Variants in CAPN5 observed in about 807,000 individuals in gnomAD.
CAPN5 encodes calpain 5.
Under a neutral mutation model 73.0 loss-of-function variants are expected in CAPN5, and 54 were observed. The ratio of observed to expected loss-of-function variants is 0.74; its 90% CI spans 0.59 to 0.93. The LOEUF (loss-of-function observed/expected upper bound fraction) is 0.93. Among genes scored for constraint, CAPN5 ranks in the 40% least tolerant of loss-of-function variants. The pLI is 0.00. For synonymous variants in CAPN5, 335 were observed against 356.9 expected, an observed-to-expected ratio of 0.94 and a Z score of 0.69; for missense variants, 785 against 882.9, an observed-to-expected ratio of 0.89 and a Z score of 1.41.
rs531335659 is a variant in CAPN5, at chr11:77,105,312, C to A, written c.298-7277C>A. ...ACTTCCCACACTCCCCCAGCCCTTG[C>A]CACCTTCCAAGGAGGAGGCCTGGAA... is the stretch of plus-strand genomic sequence containing the variant. On this transcript the variant is annotated intron_variant, in intron 3 of 12. Coordinates refer to ENST00000648180, the MANE Select transcript of CAPN5 (RefSeq NM_004055.5). 5.9e-5 allele frequency among the ~76,000 whole-genome samples: 9 copies of A among 152,270 alleles called. No individual in the cohort carries two copies. The South Asian group carries it at 1.9e-3, about 32-fold the overall frequency.
Position 77,084,862 on chromosome 11 carries a change from T to G in CAPN5, c.-25T>G, listed in dbSNP as rs782733509. 6.2e-7 allele frequency: 1 copy of G among 1,613,322 alleles called. No homozygotes were observed. The highest frequency in any genetic ancestry group is 8.5e-7 in the Non-Finnish European group (1 of 1,179,786). ...TGCCTTCCTGTCCAGGTGTTCCCCCTCCCCTCCCTGGGGCAGCAGCCACCA... is the reference window on the plus strand; with the variant it reads ...TGCCTTCCTGTCCAGGTGTTCCCCCGCCCCTCCCTGGGGCAGCAGCCACCA... On this transcript the variant is annotated 5_prime_UTR_variant, in exon 2 of 13. Coordinates refer to ENST00000648180, the MANE Select transcript of CAPN5 (RefSeq NM_004055.5).
At chr11:77,076,396 T>C (rs1279160491) in intron 1 of CAPN5, among the ~76,000 whole-genome samples, 1 of 152,222 alleles carries the variant, frequency 6.6e-6, no homozygotes, top group Non-Finnish European at 1.5e-5. Context: ...GTATAATCTA[T>C]TGTTATTAAC....
At chr11:77,099,580 G>C (rs1287474832) in intron 3 of CAPN5, among the ~76,000 whole-genome samples, 1 of 151,688 alleles carries the variant, frequency 6.6e-6, no homozygotes, top group East Asian at 1.9e-4. Flanking sequence ...CCAGTCAGGC[G>C]TGGTGGCGCG....
chr11:77,076,088 G>T (rs1949966099), intron 1 of CAPN5, among the ~76,000 whole-genome samples: 1 of 152,150 alleles, frequency 6.6e-6, no homozygotes, highest in Non-Finnish European at 1.5e-5. Flanking sequence ...TCGGCCGGGC[G>T]CAGTAGCTCA....
At chr11:77,092,163 G>A (rs1565263292) in intron 2 of CAPN5, among the ~76,000 whole-genome samples, 1 of 152,180 alleles carries the variant, frequency 6.6e-6, no homozygotes, top group South Asian at 2.1e-4. Flanking sequence ...AGGCTGCAGT[G>A]AGCTGTGATT....
intron 2 of CAPN5, among the ~76,000 whole-genome samples, chr11:77,089,550 C>A (rs925958483): frequency 1.2e-4 from 18 of 152,196 alleles, no homozygotes; most frequent in African/African-American, 3.9e-4. Flanking sequence ...AGGGCCTGGG[C>A]TTCCCCAAAC....
rs142815300 is a variant in CAPN5, at chr11:77,071,533, C to T, written c.-36+4439C>T. The T allele has an allele frequency of 1.4e-4, 57 of 415,002 alleles. 1 individual carries two copies. In the East Asian group the frequency reaches 1.4e-3, roughly 10 times the overall value. 25.7% of individuals were successfully genotyped at this position (415,002 alleles called of 1,614,324 possible). A position where few individuals can be genotyped will look rare whatever the true frequency, so the allele number is the denominator to read the frequency against. On this transcript the variant is annotated intron_variant, in intron 1 of 12. Transcript: ENST00000648180. ...CAGGTGAGAATACCAAGGCCTATTA[C>T]GGCCAAGTCCTGTCTGGTATGTGGG...
In CAPN5 at chr11:77,118,206, C is replaced by T. The variant is rs899357203; in HGVS notation, c.1021C>T (p.Arg341Cys). ...CRYFTDIIKCRVINTSHLSIH... is the reference protein window; with the variant it reads ...CRYFTDIIKCCVINTSHLSIH... ...GTACTTCACGGACATCATCAAGTGC[C>T]GCGTGATCAACACATCCCACCTGAG... The change falls in exon 8 of 13, where the codon CGC becomes TGC. Residue 341 changes from arginine (R) to cysteine (C), a missense_variant. Coordinates refer to ENST00000648180, the MANE Select transcript of CAPN5 (RefSeq NM_004055.5). 9.3e-6 allele frequency: 15 copies of T among 1,614,036 alleles called. No homozygotes were observed. The highest frequency in any genetic ancestry group is 1.2e-5 in the Non-Finnish European group (14 of 1,179,990).
chr11:77,123,342 G>T (rs1471535607), intron 12 of CAPN5, among the ~76,000 whole-genome samples: 2 of 152,136 alleles, frequency 1.3e-5, no homozygotes, highest in Non-Finnish European at 2.9e-5. Flanking sequence ...TATGTCTCAG[G>T]GCTGGAAAGA....
intron 1 of CAPN5, chr11:77,073,110 G>C: frequency 7.8e-7 from 1 of 1,289,808 alleles, no homozygotes; most frequent in Non-Finnish European, 1.0e-6. Flanking sequence ...TTCTCTGCAG[G>C]ACCTGGTGCT....
intron 1 of CAPN5, among the ~76,000 whole-genome samples, chr11:77,071,233 T>G (rs1340026616): frequency 6.6e-6 from 1 of 152,152 alleles, no homozygotes; most frequent in Admixed American, 6.5e-5. Context: ...CCTGGGAGCC[T>G]TGGAGGCTGG....
intron 4 of CAPN5, among the ~76,000 whole-genome samples, chr11:77,113,741 A>G (rs1950435642): frequency 2.7e-5 from 1 of 37,568 alleles, no homozygotes; most frequent in Admixed American, 2.1e-4. Flanking sequence ...ATGCAGGTCG[A>G]CCCAGTGGCC....
chr11:77,115,465 C>G lies in CAPN5; in HGVS notation c.770C>G (p.Thr257Ser), dbSNP rs562704448. The change falls in exon 6 of 13, where the codon ACT (threonine) becomes AGT (serine). Residue 257 changes from threonine to serine, a missense_variant. Coordinates refer to ENST00000648180, the MANE Select transcript of CAPN5 (RefSeq NM_004055.5). ...GTAAAGGGCCACGCATACGCCGTCA[C>G]TGATGTGCGCAAGGTGCGCCTGGGC... The part of the protein sequence containing the change: ...GLVKGHAYAV[T>S]DVRKVRLGHG... 1 of 1,613,046 alleles carries G rather than the reference C, an allele frequency of 6.2e-7. No homozygotes were observed.
At chr11:77,080,309 TGTGGCTTTGAGGCCCGTG>T (rs1368181057) in intron 1 of CAPN5, among the ~76,000 whole-genome samples, 2 of 152,186 alleles carry the variant, frequency 1.3e-5, no homozygotes, top group South Asian at 2.1e-4. Flanking sequence ...CTGGGTCCTT[TGTGGCTTTGAGGCCCGTG>T]GTGGCTTTGA....
In CAPN5 at chr11:77,103,162, G is replaced by T. The variant is rs373946879; in HGVS notation, c.297+9349G>T. ...CTGGACCCCACTGCCATCTTCTGGC[G>T]CAAGGAGGACTCGGATGCCATAGAT... On this transcript the variant is annotated intron_variant, in intron 3 of 12. Transcript: ENST00000648180. The T allele has an allele frequency of 1.1e-5, 18 of 1,613,672 alleles. 1 individual carries two copies. The highest frequency in any genetic ancestry group is 1.6e-4 in the Middle Eastern group (1 of 6,084).
At chr11:77,078,982 T>C (rs1555034267) in intron 1 of CAPN5, among the ~76,000 whole-genome samples, 1 of 152,170 alleles carries the variant, frequency 6.6e-6, no homozygotes, top group African/African-American at 2.4e-5. Flanking sequence ...TTGTCAAATG[T>C]GTTTTTTTAA....
In CAPN5 at chr11:77,097,082, C is replaced by T. The variant is rs895184720; in HGVS notation, c.297+3269C>T. 2.0e-5 allele frequency among the ~76,000 whole-genome samples: 3 copies of T among 152,066 alleles called. No individual in the cohort carries two copies. In the South Asian group the frequency reaches 6.2e-4, roughly 32 times the overall value. ...CTAAAAATACAAAAAATTAGCCAGG[C>T]GTGGTGGTGGGCGCCTGTAGTCCCA... On this transcript the variant is annotated intron_variant, in intron 3 of 12. Transcript: ENST00000648180.
chr11:77,120,994 TCA>T, intron 10 of CAPN5, 85 bp downstream of exon 10: 2 of 1,313,726 alleles, frequency 1.5e-6, no homozygotes, highest in Non-Finnish European at 2.1e-6. Flanking sequence ...TCAGAGATGC[TCA>T]GTGTCTCTGG....
Position 77,125,626 on chromosome 11 carries a change from A to ATG in CAPN5, c.*1757_*1758insGT. 1 of 150,566 alleles carries ATG rather than the reference A, an allele frequency of 6.6e-6. No individual in the cohort carries two copies. The highest frequency in any genetic ancestry group is 2.4e-5 in the African/African-American group (1 of 41,030). 9.3% of individuals were successfully genotyped at this position (150,566 alleles called of 1,614,324 possible). ...GTATGCACACGCACTATATATATATATATATATATATATACATTCATGTAA... is the reference window on the plus strand; with the variant it reads ...GTATGCACACGCACTATATATATATATGTATATATATATATACATTCATGTAA... On this transcript the variant is annotated 3_prime_UTR_variant, in exon 13 of 13. Transcript: ENST00000648180.
Sources: allele counts gnomAD v4.1 joint callset (sites outside exome capture counted in the v4.1 genomes callset), GRCh38; gene constraint gnomAD v4.1.1; transcripts MANE v1.5; gene names NCBI Gene and HGNC (gene_info 2026-07-23, HGNC 2026-07-21).